The following RANBP2 variants were observed in gnomAD, a reference collection of about 807,000 sequenced individuals.
RANBP2 encodes the protein E3 SUMO-protein ligase RanBP2.
RANBP2 carries 57 observed loss-of-function variants against 303.6 expected under a neutral mutation model. The ratio of observed to expected loss-of-function variants is 0.19; its 90% CI spans 0.15 to 0.23. RANBP2 has a LOEUF of 0.23. Ranked by LOEUF, RANBP2 falls within the 10% of genes least tolerant of loss-of-function variation. The probability of loss-of-function intolerance (pLI) is 1.00; values close to 1 mark genes in which losing one functional copy is unlikely to be tolerated. For missense variants in RANBP2, 3,138 were observed against 3,780.8 expected (o/e 0.83, Z 4.46); for synonymous variants, 1,167 against 1,301.5 (o/e 0.90, Z 2.23).
chr2:109,120,117 G>C, the RANBP2 span, among the ~76,000 whole-genome samples: 3 of 152,244 alleles, frequency 2.0e-5, no homozygotes, highest in African/African-American at 7.2e-5. Flanking sequence ...ATGCAGAGTG[G>C]GAACTTCAGG....
downstream of RANBP2, among the ~76,000 whole-genome samples, chr2:108,790,286 ATTAT>A (rs1406755723): frequency 1.3e-5 from 2 of 152,160 alleles, no homozygotes; most frequent in East Asian, 3.8e-4. Flanking sequence ...ATTTATGGAA[ATTAT>A]TTTCTTTTTA....
the RANBP2 span, among the ~76,000 whole-genome samples, chr2:109,291,276 ATC>A: frequency 1.1e-4 from 16 of 142,652 alleles, no homozygotes; most frequent in Admixed American, 1.2e-3. Context: ...AAACAGAGTA[ATC>A]TCTTTTTTTT....
the RANBP2 span, among the ~76,000 whole-genome samples, chr2:109,428,566 G>A: frequency 3.3e-5 from 5 of 152,222 alleles, no homozygotes; most frequent in Non-Finnish European, 7.3e-5. Flanking sequence ...GCCTGGAGGA[G>A]GCTGTACTTG....
At chr2:108,832,528 G>C in the RANBP2 span, among the ~76,000 whole-genome samples, 1 of 151,894 alleles carries the variant, frequency 6.6e-6, no homozygotes, top group Non-Finnish European at 1.5e-5. Context: ...TGTATTTTTA[G>C]TAGAGACGGG....
chr2:109,551,051 C>T, the RANBP2 span, among the ~76,000 whole-genome samples: 18 of 152,042 alleles, frequency 1.2e-4, no homozygotes, highest in Non-Finnish European at 2.4e-4. Context: ...ATAGGAAATC[C>T]GTCTGTCATA....
At chr2:108,856,681 T>G in the RANBP2 span, 1 of 960,540 alleles carries the variant, frequency 1.0e-6, no homozygotes. Flanking sequence ...CTTATTTAAT[T>G]TTTGTTTGTC....
chr2:109,376,872 T>C, the RANBP2 span, among the ~76,000 whole-genome samples: 2 of 152,224 alleles, frequency 1.3e-5, no homozygotes, highest in Non-Finnish European at 1.5e-5. Context: ...CCTTCCTTTG[T>C]TCCCCTAAGT....
At chr2:109,686,171 G>A in the RANBP2 span, among the ~76,000 whole-genome samples, 2 of 152,206 alleles carry the variant, frequency 1.3e-5, no homozygotes, top group East Asian at 3.9e-4. Flanking sequence ...GGGGAGCTGG[G>A]AGAAAGGTGG....
chr2:109,180,843 G>C, the RANBP2 span, among the ~76,000 whole-genome samples: 1 of 152,220 alleles, frequency 6.6e-6, no homozygotes, highest in Non-Finnish European at 1.5e-5. Context: ...TCAGCTAAGA[G>C]TGTGGTCACA....
chr2:109,360,573 A>ATC, the RANBP2 span, among the ~76,000 whole-genome samples: 1 of 152,248 alleles, frequency 6.6e-6, no homozygotes, highest in Non-Finnish European at 1.5e-5. Context: ...ATCTGAAAAC[A>ATC]TCTGAAGTCC....
intron 24 of RANBP2, among the ~76,000 whole-genome samples, chr2:108,776,791 C>T (rs1250336991): frequency 6.6e-6 from 1 of 152,158 alleles, no homozygotes; most frequent in Non-Finnish European, 1.5e-5. Context: ...AAAACCCTGC[C>T]TTTGACTGAA....
chr2:109,618,974 A>C, the RANBP2 span: 1 of 167,086 alleles, frequency 6.0e-6, no homozygotes, highest in African/African-American at 2.4e-5. Flanking sequence ...TGTGAAAATA[A>C]AATGTTCACA....
chr2:108,916,523 G>A, the RANBP2 span, among the ~76,000 whole-genome samples: 2 of 152,100 alleles, frequency 1.3e-5, no homozygotes, highest in Non-Finnish European at 2.9e-5. Flanking sequence ...GCGCCCACCT[G>A]CCCTCGGCCA....
rs1254763456 is a variant in RANBP2, at chr2:108,765,955, G to A, written c.5416G>A (p.Ala1806Thr). 6.2e-6 allele frequency: 10 copies of A among 1,614,026 alleles called. No homozygotes were observed. The highest frequency in any genetic ancestry group is 8.5e-6 in the Non-Finnish European group (10 of 1,179,984). ...SSSLKCVACD[A>T]SKPTHKPIAE... Reference sequence around the variant, plus strand: ...TTCCTTAAAATGTGTGGCTTGTGATGCCTCTAAACCAACTCATAAACCTAT... The same window carrying A: ...TTCCTTAAAATGTGTGGCTTGTGATACCTCTAAACCAACTCATAAACCTAT... Residue 1806 changes from alanine (A) to threonine (T), a missense_variant, in exon 20 of 29, where the codon GCC becomes ACC. By Grantham distance (58) the Ala-to-Thr change is moderately conservative (BLOSUM62 0). This residue lies in a region of RANBP2 where 348 missense variants were observed against 360.4 expected (regional missense o/e 0.97). Coordinates refer to ENST00000283195, the MANE Select transcript of RANBP2 (RefSeq NM_006267.5).
chr2:108,886,337 ATGT>A, the RANBP2 span, among the ~76,000 whole-genome samples: 406 of 152,170 alleles, frequency 2.7e-3, 3 homozygotes, highest in African/African-American at 9.2e-3. Context: ...TTTCATTCTG[ATGT>A]TGGGCATTTT....
chr2:109,416,902 C>G, the RANBP2 span, among the ~76,000 whole-genome samples: 4 of 134,314 alleles, frequency 3.0e-5, no homozygotes, highest in African/African-American at 1.2e-4. Context: ...GAGACTTCAT[C>G]TCAAAAAAAA....
the RANBP2 span, among the ~76,000 whole-genome samples, chr2:109,063,007 A>G: frequency 6.6e-6 from 1 of 152,126 alleles, no homozygotes; most frequent in African/African-American, 2.4e-5. Context: ...TCAGGACAGG[A>G]GCCACCTCCT....
the RANBP2 span, among the ~76,000 whole-genome samples, chr2:109,325,331 C>CTTTTTTTTTT: frequency 9.1e-5 from 6 of 66,254 alleles, no homozygotes; most frequent in Non-Finnish European, 1.3e-4. Context: ...TTCTTTCTTT[C>CTTTTTTTTTT]TTTTTTTTTT....
chr2:109,732,779 C>A, the RANBP2 span: 2 of 860,230 alleles, frequency 2.3e-6, no homozygotes, highest in Non-Finnish European at 3.9e-6. Context: ...TGAATTGGAA[C>A]AGACTTTTGG....
Sources: gnomAD v4.1 joint callset for allele counts (sites outside exome capture counted in the v4.1 genomes callset) on GRCh38, gnomAD v4.1.1 for gene constraint, gnomAD v4.1.1 regional missense constraint, MANE v1.5 for transcripts, NCBI Gene and HGNC (gene_info 2026-07-23, HGNC 2026-07-21) for gene names.